Variants in MBNL2 observed in about 807,000 individuals in gnomAD.
The protein encoded by MBNL2 is muscleblind like splicing regulator 2, also known as muscleblind-like protein 2.
In MBNL2, 17 loss-of-function variants were observed where a neutral mutation model predicts 41.9. The ratio of observed to expected loss-of-function variants is 0.41; its 90% CI spans 0.28 to 0.61. The LOEUF (loss-of-function observed/expected upper bound fraction) is 0.61. MBNL2 is among the 20% of genes least tolerant of loss of function. The pLI, the probability that MBNL2 is intolerant of heterozygous loss-of-function variation, is 0.35. For synonymous variants in MBNL2, 195 were observed against 182.9 expected (o/e 1.07, Z -0.53); for missense variants, 336 against 505.6 (o/e 0.66, Z 3.22).
At chr13:97,317,967 G>A (rs1252343273) in intron 2 of MBNL2, among the ~76,000 whole-genome samples, 1 of 152,130 alleles carries the variant, frequency 6.6e-6, no homozygotes, top group Non-Finnish European at 1.5e-5. Flanking sequence ...CATCTTTGTA[G>A]CCCCTTGGGC....
At chr13:97,191,570 G>C in the MBNL2 span, among the ~76,000 whole-genome samples, 1 of 151,928 alleles carries the variant, frequency 6.6e-6, no homozygotes, top group African/African-American at 2.4e-5. Context: ...TGTTATCCAC[G>C]TTAGGCCAGC....
Position 97,265,443 on chromosome 13 carries a change from C to T in MBNL2, c.-604-10189C>T, listed in dbSNP as rs147026807. Among the ~76,000 whole-genome samples the T allele has an allele frequency of 5.3e-5, 8 of 152,212 alleles. No individual in the cohort carries two copies. In the East Asian group the frequency reaches 7.7e-4, roughly 15 times the overall value. On this transcript the variant is annotated intron_variant, in intron 1 of 8. Coordinates refer to ENST00000679496, the MANE Select transcript of MBNL2 (RefSeq NM_001382683.1). Reference sequence around the variant, plus strand: ...AAAATGAAGATATCATTGTCAGACACGGTTCTTTCTCTAGTTAGAAAGAAT... The same window carrying T: ...AAAATGAAGATATCATTGTCAGACATGGTTCTTTCTCTAGTTAGAAAGAAT...
chr13:97,250,758 G>C (rs967782928), intron 1 of MBNL2, among the ~76,000 whole-genome samples: 10 of 152,196 alleles, frequency 6.6e-5, no homozygotes, highest in Admixed American at 4.6e-4. Context: ...CTCACTTCCT[G>C]CCTGATATCA....
chr13:97,173,732 C>A, the MBNL2 span, among the ~76,000 whole-genome samples: 3,550 of 152,220 alleles, frequency 0.023, 127 homozygotes, highest in African/African-American at 0.081. Context: ...TTTGTTCCCC[C>A]ACAAACAGCA....
At position 97,238,550 on chromosome 13, in the gene MBNL2, C is replaced by T. The variant is rs564439199; in HGVS notation, c.-605+16019C>T. 7.2e-5 allele frequency among the ~76,000 whole-genome samples: 11 copies of T among 152,210 alleles called. No homozygotes were observed. The East Asian group carries it at 1.2e-3, about 16-fold the overall frequency. On this transcript the variant is annotated intron_variant, in intron 1 of 8. Coordinates refer to ENST00000679496, the MANE Select transcript of MBNL2 (RefSeq NM_001382683.1). Reference sequence around the variant, plus strand: ...AAGAAAGTTCAATAAAGATGAAGACCGGGCCCAGTCCTATGAGGTGCAGAA... The same window carrying T: ...AAGAAAGTTCAATAAAGATGAAGACTGGGCCCAGTCCTATGAGGTGCAGAA...
chr13:97,181,312 T>G, the MBNL2 span, among the ~76,000 whole-genome samples: 1 of 152,164 alleles, frequency 6.6e-6, no homozygotes, highest in Non-Finnish European at 1.5e-5. Context: ...ATTTGAATGT[T>G]GACATCTCTA....
chr13:97,152,034 G>A, the MBNL2 span, among the ~76,000 whole-genome samples: 1 of 152,088 alleles, frequency 6.6e-6, no homozygotes, highest in Non-Finnish European at 1.5e-5. Flanking sequence ...CTGAAAGTCA[G>A]AGATGAAAAT....
chr13:97,298,318 T>C (rs1446717632), intron 2 of MBNL2, among the ~76,000 whole-genome samples: 1 of 152,240 alleles, frequency 6.6e-6, no homozygotes, highest in African/African-American at 2.4e-5. Flanking sequence ...ATTTCTTGAA[T>C]ACATGAATAA....
the MBNL2 span, among the ~76,000 whole-genome samples, chr13:97,152,043 AT>A: frequency 1.3e-5 from 2 of 152,208 alleles, no homozygotes; most frequent in South Asian, 4.1e-4. Flanking sequence ...AGAGATGAAA[AT>A]AAAGAGATAA....
chr13:97,326,419 T>A (rs756552585), intron 2 of MBNL2, among the ~76,000 whole-genome samples: 8 of 152,366 alleles, frequency 5.3e-5, no homozygotes, highest in Middle Eastern at 3.4e-3. Flanking sequence ...ACACCATTTT[T>A]ATCTGTCATT....
At chr13:97,236,139 C>CT (rs1418647752) in intron 1 of MBNL2, among the ~76,000 whole-genome samples, 2 of 152,118 alleles carry the variant, frequency 1.3e-5, no homozygotes, top group African/African-American at 4.8e-5. Flanking sequence ...TTATTTCCCT[C>CT]TTTTTTTTCA....
rs964726982 is a variant in MBNL2 at position 97,364,446 on chromosome 13, C to T, written c.1013-690C>T. 5.3e-5 allele frequency among the ~76,000 whole-genome samples: 8 copies of T among 152,258 alleles called. No individual in the cohort carries two copies. The South Asian group carries it at 8.3e-4, about 16-fold the overall frequency. ...GAATCTTACAACAGAGAGAAGACCA[C>T]GTACTCATACAGGTCATTCCCTGTA... is the stretch of plus-strand genomic sequence containing the variant. On this transcript the variant is annotated intron_variant, in intron 7 of 8. Coordinates refer to ENST00000679496, the MANE Select transcript of MBNL2 (RefSeq NM_001382683.1).
the MBNL2 span, among the ~76,000 whole-genome samples, chr13:97,158,080 A>G: frequency 1.3e-5 from 2 of 151,598 alleles, no homozygotes; most frequent in Middle Eastern, 3.2e-3. Flanking sequence ...AGATCCTGTT[A>G]TTGGTCTATT....
chr13:97,178,104 G>A, the MBNL2 span, among the ~76,000 whole-genome samples: 18 of 152,180 alleles, frequency 1.2e-4, no homozygotes, highest in Admixed American at 3.9e-4. Flanking sequence ...ATACTACACA[G>A]AAAAAGTCAA....
chr13:97,377,783 G>A (rs1191925960), intron 8 of MBNL2, among the ~76,000 whole-genome samples: 1 of 152,160 alleles, frequency 6.6e-6, no homozygotes, highest in East Asian at 1.9e-4. Flanking sequence ...GTTAAAATAG[G>A]GAAAGCGAAG....
intron 2 of MBNL2, among the ~76,000 whole-genome samples, chr13:97,295,061 A>G (rs2056808609): frequency 6.6e-6 from 1 of 152,188 alleles, no homozygotes; most frequent in African/African-American, 2.4e-5. Context: ...GAAATGAATG[A>G]ACTGGATGTG....
intron 1 of MBNL2, among the ~76,000 whole-genome samples, chr13:97,248,751 A>T (rs75122859): frequency 0.066 from 10,087 of 152,268 alleles, 872 homozygotes; most frequent in African/African-American, 0.2. Flanking sequence ...CAGATAAAGA[A>T]AAGGTGGGAC....
At chr13:97,166,030 G>C in the MBNL2 span, among the ~76,000 whole-genome samples, 1 of 152,158 alleles carries the variant, frequency 6.6e-6, no homozygotes, top group Non-Finnish European at 1.5e-5. Context: ...AGCCTTTCTG[G>C]GTGGAGCATG....
chr13:97,377,454 C>CAATAA (rs2153149267), intron 8 of MBNL2, among the ~76,000 whole-genome samples: 1 of 152,200 alleles, frequency 6.6e-6, no homozygotes, highest in East Asian at 1.9e-4. Flanking sequence ...GAACTTTGTT[C>CAATAA]AATAAAATAA....
Sources: allele counts gnomAD v4.1 joint callset (sites outside exome capture counted in the v4.1 genomes callset), GRCh38; gene constraint gnomAD v4.1.1; transcripts MANE v1.5; gene names NCBI Gene and HGNC (gene_info 2026-07-23, HGNC 2026-07-21).